The following RIC3 variants were observed in gnomAD, a reference collection of about 807,000 sequenced individuals.
RIC3 encodes the protein protein RIC-3.
A neutral mutation model predicts 27.3 loss-of-function variants in RIC3; 28 were observed. The observed-to-expected ratio is 1.02, with a 90% CI of 0.76 to 1.41. The LOEUF (loss-of-function observed/expected upper bound fraction) is 1.41. Ranked by LOEUF, RIC3 falls within the 40% of genes most tolerant of loss-of-function variation. The pLI is 0.00. For missense variants in RIC3, 501 were observed against 444.7 expected, an observed-to-expected ratio of 1.13 and a Z score of -1.14; for synonymous variants, 184 against 160.4, an observed-to-expected ratio of 1.15 and a Z score of -1.11.
At chr11:8,129,340 G>A (rs1947394858) in intron 4 of RIC3, among the ~76,000 whole-genome samples, 1 of 152,008 alleles carries the variant, frequency 6.6e-6, no homozygotes, top group Non-Finnish European at 1.5e-5. Context: ...AGTTGACCCA[G>A]TATTACAGAT....
At chr11:8,097,777 G>A in the RIC3 span, 1 of 1,614,062 alleles carries the variant, frequency 6.2e-7, no homozygotes, top group Non-Finnish European at 8.5e-7. Context: ...CATCTCTGTG[G>A]ACCCAACAGA....
the RIC3 span, chr11:8,097,372 C>T: frequency 5.6e-6 from 9 of 1,614,026 alleles, no homozygotes; most frequent in Admixed American, 3.3e-5. Context: ...AGGGATGGAC[C>T]GGGGCATGTA....
chr11:8,134,432 T>C (rs906178837), intron 4 of RIC3, among the ~76,000 whole-genome samples: 2 of 152,214 alleles, frequency 1.3e-5, no homozygotes, highest in Non-Finnish European at 2.9e-5. Flanking sequence ...TCTTTGCTAT[T>C]GTGAATAGTG....
In RIC3 at chr11:8,139,949, T is replaced by A. The variant is rs1565056905; in HGVS notation, c.351+18A>T. 6.3e-7 allele frequency: 1 copy of A among 1,594,310 alleles called. No individual in the cohort carries two copies. Among genetic ancestry groups the A allele is most frequent in the Non-Finnish European group, 8.6e-7 (1 of 1,162,798 alleles). ...TAGATTTTCATTGATGTAATATGAT[T>A]AGGATGATTCTACTTACCTTAAATA... On this transcript the variant is annotated intron_variant, in intron 2 of 5. Transcript: ENST00000309737.
At chr11:8,145,212 AAAG>A (rs1041357700) in intron 1 of RIC3, among the ~76,000 whole-genome samples, 2 of 149,660 alleles carry the variant, frequency 1.3e-5, no homozygotes, top group African/African-American at 2.4e-5. Context: ...TAAAAAAAAA[AAAG>A]AAAGAAAATA....
intron 5 of RIC3, among the ~76,000 whole-genome samples, chr11:8,112,571 A>G (rs560909992): frequency 5.0e-4 from 76 of 152,284 alleles, no homozygotes; most frequent in African/African-American, 1.8e-3. Context: ...TTGGGATTAC[A>G]GGCATGAGCC....
downstream of RIC3, chr11:8,101,782 C>A: frequency 7.7e-7 from 1 of 1,302,594 alleles, no homozygotes; most frequent in Non-Finnish European, 1.0e-6. Context: ...GGCTCCTTTG[C>A]CTCTGCTACT....
chr11:8,123,288 G>T (rs1217546553), intron 5 of RIC3, among the ~76,000 whole-genome samples: 53 of 151,804 alleles, frequency 3.5e-4, no homozygotes, highest in Admixed American at 3.5e-3. Context: ...GAGACAAAAA[G>T]ACACAGATCA....
intron 2 of RIC3, chr11:8,138,912 G>A (rs1171108548): frequency 5.8e-6 from 1 of 171,272 alleles, no homozygotes; most frequent in African/African-American, 2.4e-5. Flanking sequence ...TACAGAATGT[G>A]AGGTCCCGTT....
chr11:8,113,597 G>C (rs1473000251), intron 5 of RIC3, among the ~76,000 whole-genome samples: 1 of 152,118 alleles, frequency 6.6e-6, no homozygotes, highest in Non-Finnish European at 1.5e-5. Context: ...GGCCTGCCCA[G>C]TGCCAGGCTA....
the RIC3 span, chr11:8,097,142 G>C: frequency 1.1e-5 from 16 of 1,480,448 alleles, no homozygotes; most frequent in Non-Finnish European, 1.3e-5. Flanking sequence ...CCACCGCCAC[G>C]TTAGGAGGCA....
intron 4 of RIC3, among the ~76,000 whole-genome samples, chr11:8,132,300 T>G (rs1947831610): frequency 6.6e-6 from 1 of 152,234 alleles, no homozygotes; most frequent in South Asian, 2.1e-4. Flanking sequence ...TCAATAATCT[T>G]CTAGCATGTA....
At chr11:8,146,948 A>G (rs765979553) in intron 1 of RIC3, among the ~76,000 whole-genome samples, 1 of 152,202 alleles carries the variant, frequency 6.6e-6, no homozygotes, top group Non-Finnish European at 1.5e-5. Context: ...TGTTTCTTAC[A>G]TGAAAGGAAA....
downstream of RIC3, chr11:8,101,610 G>C: frequency 6.2e-7 from 1 of 1,614,228 alleles, no homozygotes; most frequent in Non-Finnish European, 8.5e-7. Flanking sequence ...GCAAGCTGGC[G>C]TGCGAGTAGA....
intron 5 of RIC3, among the ~76,000 whole-genome samples, chr11:8,121,962 C>T (rs962942168): frequency 1.7e-4 from 26 of 152,238 alleles, no homozygotes; most frequent in African/African-American, 6.0e-4. Flanking sequence ...GGCACAGTGG[C>T]ATGCACCTGG....
intron 1 of RIC3, among the ~76,000 whole-genome samples, chr11:8,166,819 C>T (rs568058346): frequency 6.6e-6 from 1 of 151,958 alleles, no homozygotes; most frequent in African/African-American, 2.4e-5. Flanking sequence ...GAAGTAGAGG[C>T]TGCAGTGAGC....
the RIC3 span, chr11:8,096,704 C>T: frequency 2.5e-6 from 4 of 1,611,672 alleles, no homozygotes; most frequent in Admixed American, 5.0e-5. Flanking sequence ...GCAGCATGAG[C>T]TTTGACGAGG....
chr11:8,100,136 A>G, the RIC3 span, among the ~76,000 whole-genome samples: 2 of 152,176 alleles, frequency 1.3e-5, no homozygotes, highest in Non-Finnish European at 1.5e-5. Context: ...TCTTGGTGAG[A>G]GAAGCTAGTG....
At chr11:8,100,768 C>G in the RIC3 span, 2 of 1,600,498 alleles carry the variant, frequency 1.2e-6, no homozygotes, top group Admixed American at 1.7e-5. Context: ...AGATCCCTTT[C>G]TGGGGTGGTC....
Sources: allele counts gnomAD v4.1 joint callset (sites outside exome capture counted in the v4.1 genomes callset), GRCh38; gene constraint gnomAD v4.1.1; transcripts MANE v1.5; gene names NCBI Gene and HGNC (gene_info 2026-07-23, HGNC 2026-07-21).